The following LRRC3B variants were observed in gnomAD, a reference collection of about 807,000 sequenced individuals.
LRRC3B encodes the protein leucine-rich repeat-containing protein 3B.
LRRC3B carries 2 observed loss-of-function variants against 12.8 expected under a neutral mutation model. The observed-to-expected ratio is 0.16, with a 90% confidence interval of 0.06 to 0.49. LRRC3B has a LOEUF of 0.49. LRRC3B is among the 20% of genes least tolerant of loss of function. LRRC3B has a pLI of 0.96. For missense variants in LRRC3B, 189 were observed against 319.4 expected (o/e 0.59, Z 3.11); for synonymous variants, 132 against 122.0 (o/e 1.08, Z -0.54).
At chr3:26,691,939 G>A (rs1700201808) in intron 1 of LRRC3B, among the ~76,000 whole-genome samples, 1 of 152,166 alleles carries the variant, frequency 6.6e-6, no homozygotes, top group Non-Finnish European at 1.5e-5. Context: ...TGCTTCGTTT[G>A]TAGTTGTCTC....
intron 1 of LRRC3B, among the ~76,000 whole-genome samples, chr3:26,651,178 ACT>A (rs1699257708): frequency 6.6e-6 from 1 of 152,106 alleles, no homozygotes; most frequent in East Asian, 1.9e-4. Context: ...AAAATGACTT[ACT>A]CTGAGACTCA....
At chr3:26,708,077 T>A (rs1440112690) in intron 1 of LRRC3B, among the ~76,000 whole-genome samples, 1 of 152,208 alleles carries the variant, frequency 6.6e-6, no homozygotes, top group Non-Finnish European at 1.5e-5. Flanking sequence ...TTTGGTAACA[T>A]TTGGAGTCAT....
rs1468367172 is a variant in LRRC3B, at chr3:26,671,990, C to G, written c.-160-37523C>G. Among the ~76,000 whole-genome samples, 7 of 152,254 alleles carry G rather than the reference C, an allele frequency of 4.6e-5. No homozygotes were observed. In the East Asian group the frequency reaches 1.2e-3, roughly 25 times the overall value. On this transcript the variant is annotated intron_variant, in intron 1 of 1. Transcript: ENST00000396641. ...GGAAACTCTAGTAAAGTAACAATGA[C>G]TCATTGTTAAACTCATTTTAAATAC...
intron 1 of LRRC3B, among the ~76,000 whole-genome samples, chr3:26,636,885 C>T (rs1351019380): frequency 6.0e-5 from 6 of 99,810 alleles, no homozygotes; most frequent in African/African-American, 1.6e-4. Context: ...TTCCTTCCTT[C>T]CTTTCTCTCT....
intron 1 of LRRC3B, among the ~76,000 whole-genome samples, chr3:26,645,320 A>T (rs1234064372): frequency 6.6e-6 from 1 of 152,134 alleles, no homozygotes; most frequent in Non-Finnish European, 1.5e-5. Context: ...CAACTATTCC[A>T]CAGACAAGAT....
intron 1 of LRRC3B, among the ~76,000 whole-genome samples, chr3:26,626,705 A>G (rs1276027538): frequency 6.6e-6 from 1 of 152,240 alleles, no homozygotes; most frequent in Admixed American, 6.5e-5. Context: ...AAAACTCTAT[A>G]TCATATATAA....
At chr3:26,699,059 G>A (rs1183594061) in intron 1 of LRRC3B, among the ~76,000 whole-genome samples, 1 of 151,488 alleles carries the variant, frequency 6.6e-6, no homozygotes. Context: ...TTTTATTTTT[G>A]TTTTTTGTTT....
chr3:26,685,594 CAT>C (rs200275513), intron 1 of LRRC3B, among the ~76,000 whole-genome samples: 147 of 126,166 alleles, frequency 1.2e-3, no homozygotes, highest in South Asian at 4.2e-3. Context: ...AAGCTTCACT[CAT>C]ATATATATAT....
chr3:26,689,512 A>G (rs557095785), intron 1 of LRRC3B, among the ~76,000 whole-genome samples: 26 of 152,252 alleles, frequency 1.7e-4, no homozygotes, highest in Middle Eastern at 6.8e-3. Context: ...GTTTTCATGA[A>G]TTAAATACTG....
At chr3:26,664,651 C>A (rs1482176986) in intron 1 of LRRC3B, among the ~76,000 whole-genome samples, 2 of 152,054 alleles carry the variant, frequency 1.3e-5, no homozygotes, top group African/African-American at 4.8e-5. Context: ...AAAGAGAAGG[C>A]CAAGAAAGGC....
intron 1 of LRRC3B, among the ~76,000 whole-genome samples, chr3:26,681,455 A>G (rs1388174323): frequency 6.6e-6 from 1 of 152,210 alleles, no homozygotes; most frequent in Non-Finnish European, 1.5e-5. Context: ...AATATTCCAT[A>G]ATGTCTATGA....
chr3:26,682,410 A>G (rs372851715), intron 1 of LRRC3B, among the ~76,000 whole-genome samples: 19 of 152,214 alleles, frequency 1.2e-4, no homozygotes, highest in Middle Eastern at 3.4e-3. Context: ...CCACCTCTCC[A>G]ACCTCAAACT....
chr3:26,696,103 G>C (rs959116437), intron 1 of LRRC3B, among the ~76,000 whole-genome samples: 2 of 152,080 alleles, frequency 1.3e-5, no homozygotes, highest in African/African-American at 4.8e-5. Context: ...TCTAACAAAA[G>C]AATAATGTGT....
intron 1 of LRRC3B, among the ~76,000 whole-genome samples, chr3:26,628,701 T>C (rs1698685235): frequency 6.6e-6 from 1 of 151,964 alleles, no homozygotes; most frequent in Non-Finnish European, 1.5e-5. Flanking sequence ...GATAATGACA[T>C]ATGAAATGGC....
chr3:26,627,022 A>G (rs1011247060), intron 1 of LRRC3B, among the ~76,000 whole-genome samples: 9 of 152,228 alleles, frequency 5.9e-5, no homozygotes, highest in Admixed American at 5.2e-4. Flanking sequence ...ATGCTGATGT[A>G]AAGCTGAGGC....
At chr3:26,643,255 A>T (rs4402895) in intron 1 of LRRC3B, among the ~76,000 whole-genome samples, 65,886 of 136,796 alleles carry the variant, frequency 0.48, 14,445 homozygotes, top group Middle Eastern at 0.61. Flanking sequence ...CATATGTGTG[A>T]GTGTGTGTGT....
At chr3:26,647,068 A>G (rs933422890) in intron 1 of LRRC3B, among the ~76,000 whole-genome samples, 3 of 152,104 alleles carry the variant, frequency 2.0e-5, no homozygotes, top group Non-Finnish European at 2.9e-5. Context: ...TGTTTGTAGA[A>G]CATACCAAGA....
intron 1 of LRRC3B, among the ~76,000 whole-genome samples, chr3:26,628,847 A>T (rs1479574768): frequency 2.3e-5 from 2 of 86,224 alleles, no homozygotes; most frequent in African/African-American, 9.8e-5. Context: ...GTAAATACTA[A>T]AAAAAAAAAA....
At chr3:26,673,039 C>T (rs2125434162) in intron 1 of LRRC3B, among the ~76,000 whole-genome samples, 1 of 152,264 alleles carries the variant, frequency 6.6e-6, no homozygotes, top group Non-Finnish European at 1.5e-5. Context: ...ACCTGAGAAT[C>T]AAATTTCTAG....
Sources: gnomAD v4.1 joint callset for allele counts (sites outside exome capture counted in the v4.1 genomes callset) on GRCh38, gnomAD v4.1.1 for gene constraint, MANE v1.5 for transcripts, NCBI Gene and HGNC (gene_info 2026-07-23, HGNC 2026-07-21) for gene names.